The following GALNT14 variants were observed in gnomAD, a reference collection of about 807,000 sequenced individuals.
The protein encoded by GALNT14 is polypeptide N-acetylgalactosaminyltransferase 14.
GALNT14 carries 60 observed loss-of-function variants against 77.5 expected under a neutral mutation model. The ratio of observed to expected loss-of-function variants is 0.77; its 90% confidence interval spans 0.63 to 0.96. GALNT14 has a LOEUF of 0.96. Among genes scored for constraint, GALNT14 ranks in the 40% least tolerant of loss-of-function variants. The pLI is 0.00. For synonymous variants in GALNT14, 280 were observed against 281.7 expected (o/e 0.99, Z 0.06); for missense variants, 710 against 731.0 (o/e 0.97, Z 0.33).
downstream of GALNT14, among the ~76,000 whole-genome samples, chr2:30,908,482 C>T (rs1452827448): frequency 2.8e-5 from 4 of 141,300 alleles, no homozygotes; most frequent in Non-Finnish European, 4.6e-5. Flanking sequence ...AATAAAATAC[C>T]TAGGAATCCA....
At chr2:31,011,984 G>A (rs891811654) in intron 1 of GALNT14, among the ~76,000 whole-genome samples, 28 of 150,882 alleles carry the variant, frequency 1.9e-4, no homozygotes, top group African/African-American at 7.0e-4. Context: ...AGCTGAAGGT[G>A]TTTGAAACGG....
chr2:30,920,629 C>CTACA (rs1272005939), intron 13 of GALNT14, among the ~76,000 whole-genome samples: 2 of 122,982 alleles, frequency 1.6e-5, no homozygotes, highest in Non-Finnish European at 3.4e-5. Flanking sequence ...AGAGTGTATG[C>CTACA]TACACACACA....
intron 6 of GALNT14, among the ~76,000 whole-genome samples, chr2:30,950,495 A>G (rs921990289): frequency 6.6e-6 from 1 of 152,196 alleles, no homozygotes; most frequent in African/African-American, 2.4e-5. Flanking sequence ...GGATCAAATC[A>G]TGTCCTACTC....
chr2:30,954,170 G>A (rs1667216435), intron 6 of GALNT14, among the ~76,000 whole-genome samples: 1 of 152,150 alleles, frequency 6.6e-6, no homozygotes, highest in Admixed American at 6.5e-5. Context: ...GGACAGGAAG[G>A]GCTTGGTCAG....
At chr2:31,051,565 A>C (rs1673868733) in intron 1 of GALNT14, among the ~76,000 whole-genome samples, 1 of 152,106 alleles carries the variant, frequency 6.6e-6, no homozygotes, top group African/African-American at 2.4e-5. Context: ...GGACCTTTGG[A>C]TTTCAGAGTT....
chr2:31,027,609 C>T (rs554787352), intron 1 of GALNT14, among the ~76,000 whole-genome samples: 3 of 152,196 alleles, frequency 2.0e-5, no homozygotes, highest in African/African-American at 7.2e-5. Flanking sequence ...AAACCTGGTA[C>T]GTGGAGGCCA....
chr2:31,098,203 A>G (rs991210585), intron 1 of GALNT14, among the ~76,000 whole-genome samples: 9 of 152,190 alleles, frequency 5.9e-5, no homozygotes, highest in Non-Finnish European at 1.2e-4. Context: ...CAAACACTCC[A>G]GTGCCTAATA....
intron 1 of GALNT14, among the ~76,000 whole-genome samples, chr2:31,051,617 T>C (rs1346677700): frequency 6.6e-6 from 1 of 152,150 alleles, no homozygotes; most frequent in Non-Finnish European, 1.5e-5. Context: ...TTAAAATCAG[T>C]CCAGCTCTCT....
At chr2:31,026,607 T>C (rs1016359652) in intron 1 of GALNT14, among the ~76,000 whole-genome samples, 4 of 152,202 alleles carry the variant, frequency 2.6e-5, no homozygotes, top group Non-Finnish European at 5.9e-5. Flanking sequence ...TTATCACTTA[T>C]AGGGAGGGGG....
chr2:31,054,521 C>T (rs60263452), intron 1 of GALNT14, among the ~76,000 whole-genome samples: 1,546 of 152,284 alleles, frequency 0.01, 18 homozygotes, highest in African/African-American at 0.035. Flanking sequence ...TCATATTCAA[C>T]CCCAGAACCC....
At chr2:31,018,702 G>C (rs868626135) in intron 1 of GALNT14, among the ~76,000 whole-genome samples, 11 of 152,160 alleles carry the variant, frequency 7.2e-5, no homozygotes, top group Admixed American at 2.0e-4. Context: ...ATCTGGAAAA[G>C]TGAGGGCTTC....
intron 1 of GALNT14, among the ~76,000 whole-genome samples, chr2:31,018,999 C>T (rs898968387): frequency 6.6e-6 from 1 of 152,112 alleles, no homozygotes; most frequent in African/African-American, 2.4e-5. Flanking sequence ...GATGGGGACT[C>T]AGTTGTCTCC....
rs1453185838 is a variant in GALNT14 at position 30,924,819 on chromosome 2, C to A, written c.1156G>T (p.Glu386Ter). ...TTCTTCCTCAGGTCCAATCTGCTCT[C>A]AACACTGGGGGCAACGGGGTTGTGG... is the stretch of plus-strand genomic sequence containing the variant. ...FALERPFGNV[E>*]SRLDLRKNLR... The change falls in exon 12 of 15, where the codon GAG becomes TAG. Residue 386 changes from glutamate (E) to a stop codon, truncating the protein, a stop_gained. Coordinates refer to ENST00000349752, the MANE Select transcript of GALNT14 (RefSeq NM_024572.4). LOFTEE classifies it high-confidence loss of function. 1 of 1,613,626 alleles carries A rather than the reference C, an allele frequency of 6.2e-7. No individual in the cohort carries two copies. The highest frequency in any genetic ancestry group is 1.7e-5 in the Admixed American group (1 of 60,004).
At chr2:31,032,592 TCCATGTGA>T (rs763110356) in intron 1 of GALNT14, among the ~76,000 whole-genome samples, 2 of 152,064 alleles carry the variant, frequency 1.3e-5, no homozygotes, top group Non-Finnish European at 2.9e-5. Flanking sequence ...AGCCCAGAGG[TCCATGTGA>T]CCAAGTGCAC....
intron 1 of GALNT14, among the ~76,000 whole-genome samples, chr2:31,111,279 G>C (rs986210861): frequency 2.0e-5 from 3 of 152,190 alleles, no homozygotes; most frequent in African/African-American, 7.2e-5. Context: ...ACCAGGACAG[G>C]GACCTTCCGG....
At chr2:31,019,437 G>A (rs987209378) in intron 1 of GALNT14, among the ~76,000 whole-genome samples, 1 of 151,956 alleles carries the variant, frequency 6.6e-6, no homozygotes, top group East Asian at 1.9e-4. Context: ...GTCATTTTGA[G>A]GGGACTTGGG....
intron 14 of GALNT14, 106 bp downstream of exon 14, chr2:30,912,117 T>A: frequency 7.0e-7 from 1 of 1,422,224 alleles, no homozygotes. Flanking sequence ...TTATCAACTC[T>A]TCCTCTTCTA....
chr2:31,041,960 A>C (rs1006051143), intron 1 of GALNT14, among the ~76,000 whole-genome samples: 11 of 152,206 alleles, frequency 7.2e-5, no homozygotes, highest in African/African-American at 2.4e-4. Context: ...AACAGGAAGC[A>C]CAGGAAGAAG....
intron 1 of GALNT14, among the ~76,000 whole-genome samples, chr2:31,114,271 G>A (rs1169657622): frequency 9.3e-5 from 14 of 149,944 alleles, no homozygotes; most frequent in Non-Finnish European, 1.6e-4. Context: ...GCTGCAACAA[G>A]TGGGAAAAAA....
Sources: gnomAD v4.1 joint callset for allele counts (sites outside exome capture counted in the v4.1 genomes callset) on GRCh38, gnomAD v4.1.1 for gene constraint, MANE v1.5 for transcripts, NCBI Gene and HGNC (gene_info 2026-07-23, HGNC 2026-07-21) for gene names.